The following PLCL2 variants were observed in gnomAD, a reference collection of about 807,000 sequenced individuals.
PLCL2 encodes the protein phospholipase C like 2, also known as inactive phospholipase C-like protein 2.
In PLCL2, 4 loss-of-function variants were observed where a neutral mutation model predicts 79.6. That is an observed-to-expected ratio of 0.05 (90% confidence interval 0.02 to 0.11). The LOEUF (loss-of-function observed/expected upper bound fraction) is 0.11, where lower values mean the gene tolerates loss of function less well. Among genes scored for constraint, PLCL2 ranks in the 10% least tolerant of loss-of-function variants. The pLI is 1.00. For missense variants in PLCL2, 895 were observed against 1,291.0 expected, an observed-to-expected ratio of 0.69 and a Z score of 4.70; for synonymous variants, 484 against 457.7, an observed-to-expected ratio of 1.06 and a Z score of -0.73.
At chr3:17,032,925 A>G (rs1441511356) in intron 3 of PLCL2, among the ~76,000 whole-genome samples, 2 of 152,170 alleles carry the variant, frequency 1.3e-5, no homozygotes, top group African/African-American at 4.8e-5. Flanking sequence ...AAGTGTGTGA[A>G]TATGATTATA....
chr3:16,921,227 TC>T (rs1033861600), intron 1 of PLCL2, among the ~76,000 whole-genome samples: 73 of 152,346 alleles, frequency 4.8e-4, no homozygotes, highest in African/African-American at 1.6e-3. Flanking sequence ...AATGGACTGT[TC>T]CAGAATAAGG....
At chr3:17,037,359 T>C (rs1263039491) in intron 3 of PLCL2, among the ~76,000 whole-genome samples, 1 of 152,192 alleles carries the variant, frequency 6.6e-6, no homozygotes, top group Non-Finnish European at 1.5e-5. Flanking sequence ...GCACCATTTT[T>C]GTAAGTCCAT....
At chr3:16,932,936 CATTT>C (rs1697442580) in intron 1 of PLCL2, among the ~76,000 whole-genome samples, 1 of 152,008 alleles carries the variant, frequency 6.6e-6, no homozygotes, top group African/African-American at 2.4e-5. Flanking sequence ...TTCATCCATT[CATTT>C]ATTTTCTAAT....
intron 1 of PLCL2, among the ~76,000 whole-genome samples, chr3:17,006,534 C>T (rs1414125816): frequency 6.6e-6 from 1 of 152,210 alleles, no homozygotes; most frequent in Non-Finnish European, 1.5e-5. Flanking sequence ...TTGGTGTTTT[C>T]TGATCACTTT....
At chr3:16,889,342 C>A (rs1468002275) in intron 1 of PLCL2, among the ~76,000 whole-genome samples, 1 of 152,158 alleles carries the variant, frequency 6.6e-6, no homozygotes, top group Non-Finnish European at 1.5e-5. Context: ...GTGGTTAAGG[C>A]AGCATCAGTG....
At chr3:16,925,076 A>G (rs1383309304) in intron 1 of PLCL2, among the ~76,000 whole-genome samples, 3 of 151,960 alleles carry the variant, frequency 2.0e-5, no homozygotes, top group Non-Finnish European at 4.4e-5. Context: ...GGTGCCTGCC[A>G]TCATGCCCCG....
At chr3:16,964,922 C>T (rs1268903794) in intron 1 of PLCL2, among the ~76,000 whole-genome samples, 2 of 151,936 alleles carry the variant, frequency 1.3e-5, no homozygotes, top group Admixed American at 1.3e-4. Context: ...GGATATTAGC[C>T]CTTTGTCAGA....
intron 1 of PLCL2, among the ~76,000 whole-genome samples, chr3:16,956,786 A>G (rs1454837933): frequency 2.0e-5 from 3 of 152,002 alleles, no homozygotes; most frequent in Admixed American, 1.3e-4. Context: ...GAATTTATCC[A>G]TTTCTTCTAG....
chr3:16,888,665 AT>A (rs1358650633), intron 1 of PLCL2, among the ~76,000 whole-genome samples: 3 of 152,170 alleles, frequency 2.0e-5, no homozygotes, highest in African/African-American at 7.2e-5. Context: ...GAAACAGTTA[AT>A]TTGGTTAATT....
intron 5 of PLCL2, among the ~76,000 whole-genome samples, chr3:17,087,889 T>C (rs1456876246): frequency 2.0e-5 from 3 of 152,254 alleles, no homozygotes; most frequent in Admixed American, 6.5e-5. Flanking sequence ...AAACTGTGAA[T>C]GTGTGTAGCA....
rs532994061 is a variant in PLCL2 at position 17,043,626 on chromosome 3, T to TA, written c.3094+689dup. ...TATTATGGAGAATATTTTCAAGTCA[T>TA]AAAAAAAAAAAATTGTCCTGACTTT... is the stretch of plus-strand genomic sequence containing the variant. On this transcript the variant is annotated intron_variant, in intron 4 of 5. Transcript: ENST00000615277. 4.2e-3 allele frequency among the ~76,000 whole-genome samples: 617 copies of TA among 146,248 alleles called. 5 individuals are homozygous for TA. Among genetic ancestry groups the TA allele is most frequent in the African/African-American group, 0.012 (491 of 40,356 alleles).
At chr3:17,066,772 G>C (rs540342359) in intron 4 of PLCL2, among the ~76,000 whole-genome samples, 1 of 152,048 alleles carries the variant, frequency 6.6e-6, no homozygotes, top group African/African-American at 2.4e-5. Context: ...GAAAAAGAAA[G>C]AAAACAACCA....
rs1195270687 is a variant in PLCL2, at chr3:17,014,763, T to A, written c.2870T>A (p.Met957Lys). ...LCGLSSVANL[M>K]QCMLAVSPRF... ...GGCCTCTCCTCTGTGGCCAATCTCATGCAGTGCATGTTGGCGGTGTCTCCC... is the reference window on the plus strand; with the variant it reads ...GGCCTCTCCTCTGTGGCCAATCTCAAGCAGTGCATGTTGGCGGTGTCTCCC... The change falls in exon 3 of 6, where the codon ATG (methionine) becomes AAG (lysine). Residue 957 changes from methionine (M) to lysine (K), a missense_variant. Around this residue, in one of 6 missense-constraint regions of PLCL2, gnomAD observed 298 missense variants for 459.6 expected, o/e 0.65. Coordinates refer to ENST00000615277, the MANE Select transcript of PLCL2 (RefSeq NM_001144382.2). 2 of 1,614,170 alleles carry A rather than the reference T, an allele frequency of 1.2e-6. No homozygotes were observed. Among genetic ancestry groups the A allele is most frequent in the East Asian group, 4.5e-5 (2 of 44,888 alleles).
chr3:16,950,343 A>G (rs1322440513), intron 1 of PLCL2, among the ~76,000 whole-genome samples: 1 of 152,184 alleles, frequency 6.6e-6, no homozygotes, highest in Non-Finnish European at 1.5e-5. Flanking sequence ...AGGCTTGCAT[A>G]CCAAGCATTT....
intron 3 of PLCL2, among the ~76,000 whole-genome samples, chr3:17,019,759 G>A (rs1222875398): frequency 6.6e-6 from 1 of 152,064 alleles, no homozygotes; most frequent in African/African-American, 2.4e-5. Context: ...AATCATAAAT[G>A]TCTGAACACA....
intron 1 of PLCL2, among the ~76,000 whole-genome samples, chr3:16,994,762 T>TC (rs1475959222): frequency 2.6e-5 from 4 of 152,156 alleles, no homozygotes; most frequent in Non-Finnish European, 5.9e-5. Flanking sequence ...GCTTCTGACA[T>TC]CCCCCTTCTA....
At chr3:16,970,318 T>G (rs1289346995) in intron 1 of PLCL2, among the ~76,000 whole-genome samples, 1 of 151,890 alleles carries the variant, frequency 6.6e-6, no homozygotes, top group African/African-American at 2.4e-5. Flanking sequence ...GGTGTTTGGT[T>G]TTTTGTTCTT....
chr3:16,889,079 C>T (rs1283102228), intron 1 of PLCL2, among the ~76,000 whole-genome samples: 1 of 152,224 alleles, frequency 6.6e-6, no homozygotes, highest in East Asian at 1.9e-4. Flanking sequence ...GAAATTCGGC[C>T]ATTACCTTAT....
chr3:17,025,841 A>T (rs1463060656), intron 3 of PLCL2, among the ~76,000 whole-genome samples: 1 of 152,170 alleles, frequency 6.6e-6, no homozygotes, highest in East Asian at 1.9e-4. Flanking sequence ...GTTACATTTG[A>T]CCTCATGTTC....
Sources: gnomAD v4.1 joint callset for allele counts (sites outside exome capture counted in the v4.1 genomes callset) on GRCh38, gnomAD v4.1.1 for gene constraint, gnomAD v4.1.1 regional missense constraint, MANE v1.5 for transcripts, NCBI Gene and HGNC (gene_info 2026-07-23, HGNC 2026-07-21) for gene names.